Variants in TRANK1 observed in about 807,000 individuals in gnomAD.
TRANK1 encodes TPR and ankyrin repeat-containing protein 1.
TRANK1 carries 198 observed loss-of-function variants against 266.0 expected under a neutral mutation model. The observed-to-expected ratio is 0.74, with a 90% confidence interval of 0.66 to 0.84. The LOEUF (loss-of-function observed/expected upper bound fraction) is 0.84. Among genes scored for constraint, TRANK1 ranks in the 40% least tolerant of loss-of-function variants. The pLI, the probability that TRANK1 is intolerant of heterozygous loss-of-function variation, is 0.00. For synonymous variants in TRANK1, 1,396 were observed against 1,384.1 expected, an observed-to-expected ratio of 1.01 and a Z score of -0.19; for missense variants, 3,326 against 3,634.6, an observed-to-expected ratio of 0.92 and a Z score of 2.18.
Position 36,847,346 on chromosome 3 carries a change from C to A in TRANK1, c.4888G>T (p.Ala1630Ser). Residue 1630 changes from alanine to serine, a missense_variant and splice_region_variant, in exon 16 of 24, where the codon GCT (alanine) becomes TCT (serine). Ala to Ser is a moderately conservative substitution (Grantham distance 99). Coordinates refer to ENST00000645898, the MANE Select transcript of TRANK1 (RefSeq NM_001329998.2). The stretch of plus-strand genomic sequence containing the variant: ...GAAATGATCTTCCATTCCTTATAAG[C>A]CTGAACAACAACAAAAAAGTGAAGA... ...LLYNFFTDSEAYKEWKIISSF... is the reference protein window; with the variant it reads ...LLYNFFTDSESYKEWKIISSF... 1 of 1,613,180 alleles carries A rather than the reference C, an allele frequency of 6.2e-7. No individual in the cohort carries two copies. Among genetic ancestry groups the A allele is most frequent in the Non-Finnish European group, 8.5e-7 (1 of 1,179,466 alleles).
rs1314996550 is a variant in TRANK1 at position 36,855,492 on chromosome 3, T to G, written c.4230A>C (p.Glu1410Asp). Residue 1410 changes from glutamate (E) to aspartate (D), a missense_variant, in exon 13 of 24, where the codon GAA becomes GAC. Transcript: ENST00000645898. ...QIRSQKGYFDEEDVLYNISRR... is the reference protein window; with the variant it reads ...QIRSQKGYFDDEDVLYNISRR... Reference sequence around the variant, plus strand: ...GGGATATGTTGTACAGAACATCCTCTTCATCAAAATAACCTTTCTGGGACC... The same window carrying G: ...GGGATATGTTGTACAGAACATCCTCGTCATCAAAATAACCTTTCTGGGACC... The G allele has an allele frequency of 6.2e-7, 1 of 1,613,856 alleles. No individual in the cohort carries two copies. The highest frequency in any genetic ancestry group is 8.5e-7 in the Non-Finnish European group (1 of 1,179,894).
At chr3:36,921,283 C>A (rs7628483) in intron 1 of TRANK1, among the ~76,000 whole-genome samples, 1 of 152,006 alleles carries the variant, frequency 6.6e-6, no homozygotes, top group South Asian at 2.1e-4. Context: ...GGGCTACCTG[C>A]GACAGGAATA....
Position 36,833,512 on chromosome 3 carries a change from C to T in TRANK1, c.6071G>A (p.Gly2024Asp), listed in dbSNP as rs760674763. Residue 2024 changes from glycine (G) to aspartate (D), a missense_variant, in exon 22 of 24, where the codon GGC becomes GAC. Gly to Asp is a moderately conservative substitution (Grantham distance 94). Transcript: ENST00000645898. ...REALDICYQT[G>D]QLSGIAEAHF... The stretch of plus-strand genomic sequence containing the variant: ...GGCCTCCGCAATGCCAGACAACTGG[C>T]CAGTTTGATAGCAGATATCAAGTGC... 6 of 1,613,712 alleles carry T rather than the reference C, an allele frequency of 3.7e-6. No homozygotes were observed. Among genetic ancestry groups the T allele is most frequent in the East Asian group, 2.2e-5 (1 of 44,886 alleles).
chr3:36,909,262 G>A (rs1191727554), intron 1 of TRANK1, among the ~76,000 whole-genome samples: 1 of 152,204 alleles, frequency 6.6e-6, no homozygotes, highest in East Asian at 1.9e-4. Flanking sequence ...TTAAATATCT[G>A]TGGTGTAACA....
intron 10 of TRANK1, among the ~76,000 whole-genome samples, chr3:36,862,254 G>A (rs1179494119): frequency 6.6e-6 from 1 of 152,140 alleles, no homozygotes; most frequent in African/African-American, 2.4e-5. Flanking sequence ...GGGAGGAAGA[G>A]CAGAAGGGGA....
intron 4 of TRANK1, among the ~76,000 whole-genome samples, chr3:36,897,550 G>A (rs1299263432): frequency 6.6e-6 from 1 of 152,194 alleles, no homozygotes; most frequent in Non-Finnish European, 1.5e-5. Flanking sequence ...TCCACCTACA[G>A]ACCACAGAAG....
At position 36,832,118 on chromosome 3, in the gene TRANK1, AGTAGTGCAAGAGTGCAATGTAGCTC is replaced by A; in HGVS notation, c.7440_7464del (p.Lys2480AsnfsTer28). ...TCCTTCTTGCTAAACAGGAACTCCC[AGTAGTGCAAGAGTGCAATGTAGCTC>A]TTGGGGAGGCATAGAATGACATTCT... On this transcript the variant is annotated frameshift_variant, in exon 22 of 24. Coordinates refer to ENST00000645898, the MANE Select transcript of TRANK1 (RefSeq NM_001329998.2). LOFTEE classifies it high-confidence loss of function. The A allele has an allele frequency of 1.9e-6, 3 of 1,614,002 alleles. No individual in the cohort carries two copies. Among genetic ancestry groups the A allele is most frequent in the Non-Finnish European group, 2.5e-6 (3 of 1,179,886 alleles).
Position 36,944,849 on chromosome 3 carries a change from T to C in TRANK1, c.-40A>G. On this transcript the variant is annotated 5_prime_UTR_variant, in exon 1 of 24. Transcript: ENST00000645898. The stretch of plus-strand genomic sequence containing the variant: ...GGTCCGCACCAGGACCGCCGCCGCC[T>C]GGGGAAGCGCTTCCCTGTGGGCAGG... 6.9e-7 allele frequency: 1 copy of C among 1,441,862 alleles called. No individual in the cohort carries two copies. Among genetic ancestry groups the C allele is most frequent in the Admixed American group, 2.8e-5 (1 of 35,428 alleles). The allele number at this position is 1,441,862 out of a possible 1,614,324, so 89.3% of individuals were successfully genotyped here.
intron 11 of TRANK1, among the ~76,000 whole-genome samples, 179 bp from the exon 12 acceptor site, chr3:36,859,073 G>A (rs1003084498): frequency 1.7e-4 from 26 of 152,188 alleles, no homozygotes; most frequent in African/African-American, 6.0e-4. Flanking sequence ...GCCACAAAGT[G>A]AAAGCCCAGC....
At chr3:36,941,561 C>T (rs2080496852) in intron 1 of TRANK1, among the ~76,000 whole-genome samples, 2 of 152,224 alleles carry the variant, frequency 1.3e-5, no homozygotes, top group South Asian at 2.1e-4. Context: ...AAAATGTCTG[C>T]TCTGGCAGAA....
chr3:36,945,013 G>C lies in TRANK1; in HGVS notation c.-204C>G. The C allele has an allele frequency of 2.1e-6, 1 of 479,950 alleles. No homozygotes were observed. Among genetic ancestry groups the C allele is most frequent in the Non-Finnish European group, 3.6e-6 (1 of 277,632 alleles). 29.7% of individuals were successfully genotyped at this position (479,950 alleles called of 1,614,324 possible). A position where few individuals can be genotyped will look rare whatever the true frequency, so the allele number is the denominator to read the frequency against. On this transcript the variant is annotated 5_prime_UTR_variant, in exon 1 of 24. Coordinates refer to ENST00000645898, the MANE Select transcript of TRANK1 (RefSeq NM_001329998.2). The stretch of plus-strand genomic sequence containing the variant: ...CGATCAGAGGGGGCGGGGGACGCAG[G>C]AACCCCGGCGTCCGGGCGGTGTGCA...
chr3:36,840,896 G>C (rs2078835090), intron 18 of TRANK1, among the ~76,000 whole-genome samples: 1 of 152,176 alleles, frequency 6.6e-6, no homozygotes, highest in Non-Finnish European at 1.5e-5. Flanking sequence ...TAAATGACTT[G>C]TGTTAAGCCA....
rs1039211099 is a variant in TRANK1 at position 36,827,037 on chromosome 3, G to C, written c.*1238C>G. On this transcript the variant is annotated 3_prime_UTR_variant, in exon 24 of 24. Coordinates refer to ENST00000645898, the MANE Select transcript of TRANK1 (RefSeq NM_001329998.2). ...GAGCAGCAAAAGCAGCAGCAACATG[G>C]GGGGAAAGCTGGCTCTGCTGTGAGG... The C allele has an allele frequency of 1.2e-4, 19 of 152,212 alleles. No homozygotes were observed. Among genetic ancestry groups the C allele is most frequent in the African/African-American group, 4.6e-4 (19 of 41,428 alleles). The allele number at this position is 152,212 out of a possible 1,614,324, so 9.4% of individuals were successfully genotyped here. A position where few individuals can be genotyped will look rare whatever the true frequency, so the allele number is the denominator to read the frequency against.
At chr3:36,944,461 C>A (rs1353245451) in intron 1 of TRANK1, among the ~76,000 whole-genome samples, 3 of 152,220 alleles carry the variant, frequency 2.0e-5, no homozygotes, top group Non-Finnish European at 4.4e-5. Context: ...CCCCGGGAAC[C>A]CCTGAGGATG....
At chr3:36,925,496 G>GA (rs199952900) in intron 1 of TRANK1, among the ~76,000 whole-genome samples, 3 of 149,954 alleles carry the variant, frequency 2.0e-5, no homozygotes, top group African/African-American at 7.3e-5. Flanking sequence ...TAAAGTTAAA[G>GA]AAAAAAAGGT....
chr3:36,877,114 T>A (rs2125579183), intron 8 of TRANK1, among the ~76,000 whole-genome samples: 1 of 152,226 alleles, frequency 6.6e-6, no homozygotes, highest in East Asian at 1.9e-4. Flanking sequence ...TGATTCTCTA[T>A]GTACCAAACA....
Position 36,907,086 on chromosome 3 carries a change from T to G in TRANK1, c.155+1237A>C, listed in dbSNP as rs560422299. On this transcript the variant is annotated intron_variant, in intron 2 of 23. Coordinates refer to ENST00000645898, the MANE Select transcript of TRANK1 (RefSeq NM_001329998.2). ...ACATTAAGAAGGAGATTTACAAAAA[T>G]GTACAAGTTTTTGTTTTGGAAAATA... Among the ~76,000 whole-genome samples, 7 of 152,278 alleles carry G rather than the reference T, an allele frequency of 4.6e-5. No homozygotes were observed. The South Asian group carries it at 1.4e-3, about 32-fold the overall frequency.
chr3:36,936,824 C>T (rs1485959847), intron 1 of TRANK1, among the ~76,000 whole-genome samples: 2 of 151,920 alleles, frequency 1.3e-5, no homozygotes, highest in African/African-American at 2.4e-5. Context: ...GCAGACAGGA[C>T]GGCATGATGG....
At chr3:36,888,255 C>A (rs2079635980) in intron 8 of TRANK1, among the ~76,000 whole-genome samples, 1 of 152,146 alleles carries the variant, frequency 6.6e-6, no homozygotes, top group African/African-American at 2.4e-5. Flanking sequence ...GCCTTATATT[C>A]TATGATTCCA....
Sources: gnomAD v4.1 joint callset for allele counts (sites outside exome capture counted in the v4.1 genomes callset) on GRCh38, gnomAD v4.1.1 for gene constraint, MANE v1.5 for transcripts, NCBI Gene and HGNC (gene_info 2026-07-23, HGNC 2026-07-21) for gene names.